The following SH3GLB1 variants were observed in gnomAD, a reference collection of about 807,000 sequenced individuals.
SH3GLB1 encodes the protein endophilin-B1.
SH3GLB1 carries 17 observed loss-of-function variants against 42.0 expected under a neutral mutation model. The ratio of observed to expected loss-of-function variants is 0.40; its 90% CI spans 0.28 to 0.61. The LOEUF (loss-of-function observed/expected upper bound fraction) is 0.61, where lower values mean the gene tolerates loss of function less well. SH3GLB1 is among the 20% of genes least tolerant of loss of function. The pLI is 0.36. For synonymous variants in SH3GLB1, 132 were observed against 146.6 expected, an observed-to-expected ratio of 0.90 and a Z score of 0.72; for missense variants, 355 against 426.3, an observed-to-expected ratio of 0.83 and a Z score of 1.47.
intron 5 of SH3GLB1, among the ~76,000 whole-genome samples, chr1:86,732,245 TTCTTGCCC>T (rs1419481509): frequency 6.6e-6 from 1 of 152,216 alleles, no homozygotes; most frequent in African/African-American, 2.4e-5. Context: ...GGCCAACAGA[TTCTTGCCC>T]ATCTTCCAGT....
In SH3GLB1 at chr1:86,735,146, A is replaced by G; in HGVS notation, c.728A>G (p.Gln243Arg). 6.2e-7 allele frequency: 1 copy of G among 1,612,770 alleles called. No homozygotes were observed. The highest frequency in any genetic ancestry group is 8.5e-7 in the Non-Finnish European group (1 of 1,178,948). ...AQMTYYAQCY[Q>R]YMLDLQKQLG... ...ATGACTTACTATGCACAGTGTTACCAGTATATGTTGGACCTCCAGAAACAA... is the reference window on the plus strand; with the variant it reads ...ATGACTTACTATGCACAGTGTTACCGGTATATGTTGGACCTCCAGAAACAA... The change falls in exon 7 of 9, where the codon CAG becomes CGG. Residue 243 changes from glutamine (Q) to arginine (R), a missense_variant. Physicochemically the swap from Gln to Arg is conservative, Grantham distance 43. Transcript: ENST00000370558.
chr1:86,709,850 G>T (rs926265218), intron 1 of SH3GLB1, among the ~76,000 whole-genome samples: 1 of 152,076 alleles, frequency 6.6e-6, no homozygotes, highest in Non-Finnish European at 1.5e-5. Flanking sequence ...ATTTATTTCA[G>T]CAAGTGTCAT....
intron 2 of SH3GLB1, among the ~76,000 whole-genome samples, chr1:86,717,713 T>C (rs1220345764): frequency 6.6e-6 from 1 of 152,156 alleles, no homozygotes; most frequent in African/African-American, 2.4e-5. Context: ...TGAGCCACCA[T>C]GCCCAGCCTG....
chr1:86,719,383 A>G (rs956899337), intron 2 of SH3GLB1, 124 bp from the exon 3 acceptor site: 2 of 523,792 alleles, frequency 3.8e-6, no homozygotes, highest in African/African-American at 4.0e-5. Flanking sequence ...TTATTTATTA[A>G]GATATGTGCT....
chr1:86,742,525 T>C (rs1656109192), intron 8 of SH3GLB1, 89 bp downstream of exon 8: 4 of 906,796 alleles, frequency 4.4e-6, no homozygotes, highest in Non-Finnish European at 6.8e-6. Context: ...TCATTAGTTA[T>C]TTGGAAATGG....
chr1:86,719,460 T>C, intron 2 of SH3GLB1, 47 bp from the exon 3 acceptor site: 1 of 1,554,178 alleles, frequency 6.4e-7, no homozygotes, highest in Non-Finnish European at 8.7e-7. Flanking sequence ...ATCTTCTAAT[T>C]AGTTTTGCTT....
Position 86,730,115 on chromosome 1 carries a change from A to C in SH3GLB1, c.571-4487A>C, listed in dbSNP as rs755832639. ...TTGGGCAGAGGAGGTGACAAAAGTA[A>C]GTAAATTATTAAATACAGAACTATG... On this transcript the variant is annotated intron_variant, in intron 5 of 8. Coordinates refer to ENST00000370558, the MANE Select transcript of SH3GLB1 (RefSeq NM_016009.5). The C allele has an allele frequency of 1.9e-6, 3 of 1,594,448 alleles. No individual in the cohort carries two copies. The South Asian group carries it at 3.4e-5, about 18-fold the overall frequency.
chr1:86,743,109 G>C lies in SH3GLB1; in HGVS notation c.991-19G>C. The C allele has an allele frequency of 6.4e-7, 1 of 1,573,650 alleles. No homozygotes were observed. Among genetic ancestry groups the C allele is most frequent in the Non-Finnish European group, 8.7e-7 (1 of 1,147,006 alleles). On this transcript the variant is annotated intron_variant, in intron 8 of 8. Transcript: ENST00000370558. Reference sequence around the variant, plus strand: ...ATTTTTTTAATGTAGTTAATAACTGGAAGTATTTTATTTTGCAGGTGATCA... The same window carrying C: ...ATTTTTTTAATGTAGTTAATAACTGCAAGTATTTTATTTTGCAGGTGATCA...
At chr1:86,708,629 A>T (rs1432046395) in intron 1 of SH3GLB1, among the ~76,000 whole-genome samples, 2 of 152,220 alleles carry the variant, frequency 1.3e-5, no homozygotes, top group Non-Finnish European at 2.9e-5. Context: ...AGGAATGTTT[A>T]TTCTTAACTA....
chr1:86,733,237 G>C (rs1448382962), intron 5 of SH3GLB1, among the ~76,000 whole-genome samples: 1 of 152,052 alleles, frequency 6.6e-6, no homozygotes, highest in Admixed American at 6.6e-5. Context: ...GCTTATTTCC[G>C]TAAGTCCAAG....
chr1:86,713,886 A>G (rs939214553), intron 1 of SH3GLB1, among the ~76,000 whole-genome samples: 9 of 152,210 alleles, frequency 5.9e-5, no homozygotes, highest in African/African-American at 2.2e-4. Context: ...TGTCTTTGCC[A>G]TTAAAATGTA....
Position 86,743,256 on chromosome 1 carries a change from T to TA in SH3GLB1, c.*21_*22insA. On this transcript the variant is annotated 3_prime_UTR_variant, in exon 9 of 9. Coordinates refer to ENST00000370558, the MANE Select transcript of SH3GLB1 (RefSeq NM_016009.5). ...ATTAAGTAGGTGGACTATGGAAAGG[T>TA]TGCCCATCATGACTTTGTATTTATA... 1 of 1,537,454 alleles carries TA rather than the reference T, an allele frequency of 6.5e-7. No homozygotes were observed. Among genetic ancestry groups the TA allele is most frequent in the Non-Finnish European group, 8.8e-7 (1 of 1,131,426 alleles).
chr1:86,726,557 A>G (rs1655206269), intron 5 of SH3GLB1, among the ~76,000 whole-genome samples: 3 of 152,024 alleles, frequency 2.0e-5, no homozygotes, highest in African/African-American at 7.2e-5. Flanking sequence ...CAGTTCAGCA[A>G]TTTTATTTAT....
rs144688525 is a variant in SH3GLB1, at chr1:86,705,359, C to A, written c.72+388C>A. ...GACACAGGCCATTCTTGCACTACCC[C>A]CCACCCTTTCCTTTCGTCTCTCACC... On this transcript the variant is annotated intron_variant, in intron 1 of 8. Coordinates refer to ENST00000370558, the MANE Select transcript of SH3GLB1 (RefSeq NM_016009.5). Among the ~76,000 whole-genome samples, 79 of 152,292 alleles carry A rather than the reference C, an allele frequency of 5.2e-4. 1 individual carries two copies. Among genetic ancestry groups the A allele is most frequent in the South Asian group, 3.5e-3 (17 of 4,804 alleles).
At position 86,723,674 on chromosome 1, in the gene SH3GLB1, GTTTA is replaced by G. The variant is rs2101947554; in HGVS notation, c.478-636_478-633del. On this transcript the variant is annotated intron_variant, in intron 4 of 8. Transcript: ENST00000370558. ...AAGAATTCTAAGATACTATACTAAT[GTTTA>G]TTCATTATTCTGTAAGTTTGAAATT... Among the ~76,000 whole-genome samples the G allele has an allele frequency of 2.0e-5, 3 of 152,246 alleles. No homozygotes were observed. The South Asian group carries it at 6.2e-4, about 32-fold the overall frequency.
chr1:86,743,414 T>C lies in SH3GLB1; in HGVS notation c.*179T>C. The C allele has an allele frequency of 2.6e-6, 1 of 384,998 alleles. No individual in the cohort carries two copies. Among genetic ancestry groups the C allele is most frequent in the Admixed American group, 4.4e-5 (1 of 22,758 alleles). The allele number at this position is 384,998 out of a possible 1,614,324, so 23.8% of individuals were successfully genotyped here. On this transcript the variant is annotated 3_prime_UTR_variant, in exon 9 of 9. Coordinates refer to ENST00000370558, the MANE Select transcript of SH3GLB1 (RefSeq NM_016009.5). ...GGTAAATATTTCATTACAGAATTTA[T>C]GTTAGAGCTTTCATGCCAAGAATGT...
In SH3GLB1 at chr1:86,745,156, C is replaced by T. The variant is rs938853578; in HGVS notation, c.*1921C>T. On this transcript the variant is annotated 3_prime_UTR_variant, in exon 9 of 9. Transcript: ENST00000370558. The stretch of plus-strand genomic sequence containing the variant: ...TAATGGAGTGAAATGGTCCTGGGTT[C>T]AAATCCAGTCTTCCTCACATATTGT... 6.6e-6 allele frequency: 1 copy of T among 152,174 alleles called. No homozygotes were observed. Among genetic ancestry groups the T allele is most frequent in the Non-Finnish European group, 1.5e-5 (1 of 68,020 alleles). The allele number at this position is 152,174 out of a possible 1,614,324, so 9.4% of individuals were successfully genotyped here. A position where few individuals can be genotyped will look rare whatever the true frequency, so the allele number is the denominator to read the frequency against.
At position 86,743,321 on chromosome 1, in the gene SH3GLB1, T is replaced by A. The variant is rs999328115; in HGVS notation, c.*86T>A. The A allele has an allele frequency of 7.3e-6, 6 of 821,454 alleles. No individual in the cohort carries two copies. In the Admixed American group the frequency reaches 1.3e-4, roughly 17 times the overall value. 50.9% of individuals were successfully genotyped at this position (821,454 alleles called of 1,614,324 possible). On this transcript the variant is annotated 3_prime_UTR_variant, in exon 9 of 9. Coordinates refer to ENST00000370558, the MANE Select transcript of SH3GLB1 (RefSeq NM_016009.5). ...AATAAAGCAGGTTAAGTATCTTCCA[T>A]GTTAATGTGTTAAGAGACTGAAAAT...
At chr1:86,711,660 T>C (rs1654217232) in intron 1 of SH3GLB1, among the ~76,000 whole-genome samples, 1 of 152,138 alleles carries the variant, frequency 6.6e-6, no homozygotes. Context: ...AAATCAGTAA[T>C]GATTTTTGAC....
Sources: gnomAD v4.1 joint callset for allele counts (sites outside exome capture counted in the v4.1 genomes callset) on GRCh38, gnomAD v4.1.1 for gene constraint, MANE v1.5 for transcripts, NCBI Gene and HGNC (gene_info 2026-07-23, HGNC 2026-07-21) for gene names.